Variants in ZNF121 observed in about 807,000 individuals in gnomAD.
The protein encoded by ZNF121 is zinc finger protein 121.
A neutral mutation model predicts 2.4 loss-of-function variants in ZNF121; 1 was observed. The ratio of observed to expected loss-of-function variants is 0.41; its 90% CI spans 0.15 to 1.94. The LOEUF (loss-of-function observed/expected upper bound fraction) is 1.94, where lower values mean the gene tolerates loss of function less well. Among genes scored for constraint, ZNF121 ranks in the 30% most tolerant of loss-of-function variants. The probability of loss-of-function intolerance (pLI) is 0.30; values close to 1 mark genes in which losing one functional copy is unlikely to be tolerated. For synonymous variants in ZNF121, 173 were observed against 158.6 expected (o/e 1.09, Z -0.68); for missense variants, 369 against 466.3 (o/e 0.79, Z 1.92).
rs2074111289 is a variant in ZNF121 at position 9,563,235 on chromosome 19, G to A, written c.*2705C>T. On this transcript the variant is annotated 3_prime_UTR_variant, in exon 4 of 4. Transcript: ENST00000320451. Reference sequence around the variant, plus strand: ...GGAATAAGTTTTAGTGGTCTGGATAGAAGATCAGACCAGCCACAACATTCC... The same window carrying A: ...GGAATAAGTTTTAGTGGTCTGGATAAAAGATCAGACCAGCCACAACATTCC... The A allele has an allele frequency of 1.3e-5, 2 of 152,128 alleles. No individual in the cohort carries two copies. The highest frequency in any genetic ancestry group is 4.1e-4 in the South Asian group (2 of 4,826). 9.4% of individuals were successfully genotyped at this position (152,128 alleles called of 1,614,324 possible). A position where few individuals can be genotyped will look rare whatever the true frequency, so the allele number is the denominator to read the frequency against.
chr19:9,565,884 T>A lies in ZNF121; in HGVS notation c.*56A>T, dbSNP rs1313488549. 1 of 1,339,256 alleles carries A rather than the reference T, an allele frequency of 7.5e-7. No homozygotes were observed. Among genetic ancestry groups the A allele is most frequent in the Admixed American group, 2.8e-5 (1 of 35,908 alleles). 83.0% of individuals were successfully genotyped at this position (1,339,256 alleles called of 1,614,324 possible). ...TCAGTGTGAATTCAAATGTGGTAAT[T>A]ATGGTATGAGAAATTCCTAAAAGAT... On this transcript the variant is annotated 3_prime_UTR_variant, in exon 4 of 4. Coordinates refer to ENST00000320451, the MANE Select transcript of ZNF121 (RefSeq NM_001008727.5).
At chr19:9,577,277 C>G (rs1310775091) in intron 1 of ZNF121, among the ~76,000 whole-genome samples, 2 of 151,598 alleles carry the variant, frequency 1.3e-5, no homozygotes, top group African/African-American at 2.4e-5. Context: ...AATCCTGTCT[C>G]TACTAAAAAA....
At chr19:9,583,951 T>C (rs1031024684) in intron 1 of ZNF121, among the ~76,000 whole-genome samples, 8 of 152,230 alleles carry the variant, frequency 5.3e-5, no homozygotes, top group African/African-American at 1.9e-4. Flanking sequence ...CTATTTTTTT[T>C]CCATCAGAAA....
intron 1 of ZNF121, among the ~76,000 whole-genome samples, chr19:9,574,536 A>G (rs1329689640): frequency 6.6e-6 from 1 of 152,148 alleles, no homozygotes; most frequent in African/African-American, 2.4e-5. Flanking sequence ...AACAAAGGAG[A>G]CAGGTTCATT....
chr19:9,570,744 G>GC, intron 1 of ZNF121, among the ~76,000 whole-genome samples: 1 of 33,668 alleles, frequency 3.0e-5, no homozygotes, highest in South Asian at 1.0e-3. Flanking sequence ...TTTTTTGCGA[G>GC]GGGGGGGGGT....
rs544727113 is a variant in ZNF121, at chr19:9,560,765, A to C, written c.*5175T>G. On this transcript the variant is annotated 3_prime_UTR_variant, in exon 4 of 4. Transcript: ENST00000320451. ...TTCCACCTCTTGGCTCTTCTGAATA[A>C]TGCTGCAATGAACACAGGTAGGCAT... 2.0e-5 allele frequency: 3 copies of C among 152,386 alleles called. No homozygotes were observed. Among genetic ancestry groups the C allele is most frequent in the South Asian group, 4.1e-4 (2 of 4,826 alleles). 9.4% of individuals were successfully genotyped at this position (152,386 alleles called of 1,614,324 possible).
chr19:9,560,921 A>T lies in ZNF121; in HGVS notation c.*5019T>A, dbSNP rs2074097666. The T allele has an allele frequency of 6.6e-6, 1 of 152,244 alleles. No homozygotes were observed. The highest frequency in any genetic ancestry group is 6.5e-5 in the Admixed American group (1 of 15,282). 9.4% of individuals were successfully genotyped at this position (152,244 alleles called of 1,614,324 possible). A position where few individuals can be genotyped will look rare whatever the true frequency, so the allele number is the denominator to read the frequency against. ...GCTAAAGATAAGAACTGTGAATAAAAACTGAATTCTGGTTAGTTGATTTTT... is the reference window on the plus strand; with the variant it reads ...GCTAAAGATAAGAACTGTGAATAAATACTGAATTCTGGTTAGTTGATTTTT... On this transcript the variant is annotated 3_prime_UTR_variant, in exon 4 of 4. Coordinates refer to ENST00000320451, the MANE Select transcript of ZNF121 (RefSeq NM_001008727.5).
intron 1 of ZNF121, 25 bp downstream of exon 1, chr19:9,584,436 G>C (rs1349163194): frequency 6.6e-6 from 1 of 152,352 alleles, no homozygotes; most frequent in Non-Finnish European, 1.5e-5. Context: ...GCTATCTCCG[G>C]GATCCCCAAG....
Position 9,565,987 on chromosome 19 carries a change from C to T in ZNF121, c.1126G>A (p.Ala376Thr), listed in dbSNP as rs1274751930. The T allele has an allele frequency of 1.0e-5, 16 of 1,598,468 alleles. No individual in the cohort carries two copies. The highest frequency in any genetic ancestry group is 1.4e-5 in the Non-Finnish European group (16 of 1,173,156). Residue 376 changes from alanine (A) to threonine (T), a missense_variant, in exon 4 of 4, where the codon GCC (alanine) becomes ACC (threonine). By Grantham distance (58) the Ala-to-Thr change is moderately conservative (BLOSUM62 0). Transcript: ENST00000320451. The stretch of plus-strand genomic sequence containing the variant: ...GTAAGTAAATAAAATCTATTGTAGG[C>T]TTTCCCACATTCGTTACATATATAG... ...KPYICNECGKAYNRFYLLTKH... is the reference protein window; with the variant it reads ...KPYICNECGKTYNRFYLLTKH...
intron 1 of ZNF121, among the ~76,000 whole-genome samples, chr19:9,575,637 C>T (rs368781517): frequency 6.8e-5 from 10 of 147,628 alleles, no homozygotes; most frequent in South Asian, 2.2e-4. Flanking sequence ...CAGCTACTCA[C>T]GAGGCTGAGG....
chr19:9,569,331 AG>A (rs2074156836), intron 1 of ZNF121, among the ~76,000 whole-genome samples: 1 of 152,070 alleles, frequency 6.6e-6, no homozygotes, highest in African/African-American at 2.4e-5. Flanking sequence ...CTGTAATCCC[AG>A]AACTTTGGGA....
At chr19:9,583,057 C>A (rs28719473) in intron 1 of ZNF121, among the ~76,000 whole-genome samples, 204 of 122,052 alleles carry the variant, frequency 1.7e-3, no homozygotes, top group African/African-American at 1.9e-3. Context: ...ACTAAAAATA[C>A]AAAAAAAAAA....
In ZNF121 at chr19:9,579,665, C is replaced by G. The variant is rs968835976; in HGVS notation, c.-160+4796G>C. Among the ~76,000 whole-genome samples the G allele has an allele frequency of 2.6e-5, 4 of 151,964 alleles. 1 individual carries two copies. In the South Asian group the frequency reaches 8.3e-4, roughly 32 times the overall value. ...CCTGGGCAACAGTGAGACTCCGTCT[C>G]TAGAAAAAAAAGAGAGGTTGATTCA... On this transcript the variant is annotated intron_variant, in intron 1 of 3. Coordinates refer to ENST00000320451, the MANE Select transcript of ZNF121 (RefSeq NM_001008727.5).
rs1245433134 is a variant in ZNF121 at position 9,561,270 on chromosome 19, T to C, written c.*4670A>G. 1 of 152,190 alleles carries C rather than the reference T, an allele frequency of 6.6e-6. No homozygotes were observed. The highest frequency in any genetic ancestry group is 2.4e-5 in the African/African-American group (1 of 41,440). 9.4% of individuals were successfully genotyped at this position (152,190 alleles called of 1,614,324 possible). A position where few individuals can be genotyped will look rare whatever the true frequency, so the allele number is the denominator to read the frequency against. ...CAGAGACTGCAGCTTCTAAATAGTA[T>C]TCTCCATTAAAATAAATTACATTTT... On this transcript the variant is annotated 3_prime_UTR_variant, in exon 4 of 4. Transcript: ENST00000320451.
chr19:9,567,155 A>T, intron 3 of ZNF121, 46 bp from the exon 4 acceptor site: 1 of 1,515,776 alleles, frequency 6.6e-7, no homozygotes, highest in South Asian at 1.3e-5. Context: ...TTTCAGATTT[A>T]TCAACAGATT....
chr19:9,575,079 T>C (rs2074200794), intron 1 of ZNF121, among the ~76,000 whole-genome samples: 1 of 152,140 alleles, frequency 6.6e-6, no homozygotes, highest in Non-Finnish European at 1.5e-5. Flanking sequence ...TGCTTAGCTA[T>C]GGGATGAAAT....
intron 1 of ZNF121, among the ~76,000 whole-genome samples, chr19:9,577,039 A>G (rs1327458473): frequency 6.6e-6 from 1 of 152,218 alleles, no homozygotes; most frequent in Non-Finnish European, 1.5e-5. Flanking sequence ...GAATAACAAT[A>G]CAACTCGAAT....
rs1029038446 is a variant in ZNF121 at position 9,560,708 on chromosome 19, C to T, written c.*5232G>A. 6.6e-6 allele frequency: 1 copy of T among 152,208 alleles called. No individual in the cohort carries two copies. The highest frequency in any genetic ancestry group is 2.4e-5 in the African/African-American group (1 of 41,458). The allele number at this position is 152,208 out of a possible 1,614,324, so 9.4% of individuals were successfully genotyped here. A position where few individuals can be genotyped will look rare whatever the true frequency, so the allele number is the denominator to read the frequency against. ...GTATGTATATAATGCATTTTGTTTACCAATTCATCTGTCAATGGACATTTA... is the reference window on the plus strand; with the variant it reads ...GTATGTATATAATGCATTTTGTTTATCAATTCATCTGTCAATGGACATTTA... On this transcript the variant is annotated 3_prime_UTR_variant, in exon 4 of 4. Coordinates refer to ENST00000320451, the MANE Select transcript of ZNF121 (RefSeq NM_001008727.5).
chr19:9,563,725 T>G lies in ZNF121; in HGVS notation c.*2215A>C, dbSNP rs999515020. The G allele has an allele frequency of 5.9e-5, 9 of 152,242 alleles. No homozygotes were observed. Among genetic ancestry groups the G allele is most frequent in the Admixed American group, 4.6e-4 (7 of 15,278 alleles). 9.4% of individuals were successfully genotyped at this position (152,242 alleles called of 1,614,324 possible). Reference sequence around the variant, plus strand: ...CAGGTGTAAGCCACTTTTCCCAGCCTGGGCTGGCTTTCTTGTTAGAGGTCA... The same window carrying G: ...CAGGTGTAAGCCACTTTTCCCAGCCGGGGCTGGCTTTCTTGTTAGAGGTCA... On this transcript the variant is annotated 3_prime_UTR_variant, in exon 4 of 4. Coordinates refer to ENST00000320451, the MANE Select transcript of ZNF121 (RefSeq NM_001008727.5).
Sources: allele counts gnomAD v4.1 joint callset (sites outside exome capture counted in the v4.1 genomes callset), GRCh38; gene constraint gnomAD v4.1.1; transcripts MANE v1.5; gene names NCBI Gene and HGNC (gene_info 2026-07-23, HGNC 2026-07-21).